Variants in IMPG2 observed in about 807,000 individuals in gnomAD.
IMPG2 encodes the protein interphotoreceptor matrix proteoglycan 2, also known as IPM 200.
Under a neutral mutation model 129.2 loss-of-function variants are expected in IMPG2, and 91 were observed. That is an observed-to-expected ratio of 0.70 (90% CI 0.59 to 0.84). IMPG2 has a LOEUF of 0.84. Ranked by LOEUF, IMPG2 falls within the 40% of genes least tolerant of loss-of-function variation. The pLI, the probability that IMPG2 is intolerant of heterozygous loss-of-function variation, is 0.00. For synonymous variants in IMPG2, 510 were observed against 517.7 expected, an observed-to-expected ratio of 0.99 and a Z score of 0.20; for missense variants, 1,430 against 1,461.7, an observed-to-expected ratio of 0.98 and a Z score of 0.35.
At chr3:101,245,263 A>G (rs1027654000) in intron 12 of IMPG2, among the ~76,000 whole-genome samples, 2 of 152,132 alleles carry the variant, frequency 1.3e-5, no homozygotes, top group African/African-American at 4.8e-5. Flanking sequence ...CTCATTTCAC[A>G]TGTAAACTCC....
At chr3:101,315,234 G>C (rs982212562) in intron 2 of IMPG2, among the ~76,000 whole-genome samples, 3 of 152,152 alleles carry the variant, frequency 2.0e-5, no homozygotes, top group African/African-American at 7.2e-5. Context: ...AACAGCTGAG[G>C]CAGGTATTCT....
chr3:101,226,969 T>C lies in IMPG2; in HGVS notation c.3726A>G (p.Ter1242=). The C allele has an allele frequency of 6.2e-7, 1 of 1,613,792 alleles. No homozygotes were observed. Among genetic ancestry groups the C allele is most frequent in the Non-Finnish European group, 8.5e-7 (1 of 1,179,820 alleles). The change falls in exon 19 of 19, where the codon TAA becomes TAG. Residue 1242 remains the stop codon, a stop_retained_variant. Transcript: ENST00000193391. ...FVREQQVEEV[*] ...ATCAGTTTCAGAACAGGAGTTTTGGTTAAACCTCTTCCCTGCCATGAAAAC... is the reference window on the plus strand; with the variant it reads ...ATCAGTTTCAGAACAGGAGTTTTGGCTAAACCTCTTCCCTGCCATGAAAAC...
chr3:101,309,794 G>A (rs1707241309), intron 2 of IMPG2, among the ~76,000 whole-genome samples: 1 of 152,114 alleles, frequency 6.6e-6, no homozygotes, highest in Admixed American at 6.5e-5. Flanking sequence ...ACTTAAAAAT[G>A]AAAACAACCC....
At chr3:101,311,067 G>A (rs139086761) in intron 2 of IMPG2, among the ~76,000 whole-genome samples, 4 of 151,790 alleles carry the variant, frequency 2.6e-5, no homozygotes, top group Non-Finnish European at 5.9e-5. Flanking sequence ...CCACCCCCAA[G>A]AGAAATGGGC....
chr3:101,267,602 G>T, intron 8 of IMPG2, 71 bp from the exon 9 acceptor site: 1 of 1,254,598 alleles, frequency 8.0e-7, no homozygotes, highest in Non-Finnish European at 1.2e-6. Context: ...TCATCAAAGT[G>T]CAAGTTATTC....
At chr3:101,239,147 C>T (rs186677275) in intron 14 of IMPG2, among the ~76,000 whole-genome samples, 28 of 152,298 alleles carry the variant, frequency 1.8e-4, no homozygotes, top group African/African-American at 6.7e-4. Flanking sequence ...AGTGAACAGG[C>T]AACCTACAGA....
At chr3:101,278,461 A>C (rs1706860650) in intron 4 of IMPG2, among the ~76,000 whole-genome samples, 1 of 152,194 alleles carries the variant, frequency 6.6e-6, no homozygotes, top group African/African-American at 2.4e-5. Context: ...TTGAGGCATC[A>C]GTTTTACTAC....
intron 14 of IMPG2, among the ~76,000 whole-genome samples, chr3:101,237,180 G>A (rs1195105719): frequency 6.6e-6 from 1 of 152,190 alleles, no homozygotes; most frequent in Non-Finnish European, 1.5e-5. Flanking sequence ...CCTCCTGTAT[G>A]GGCAGGGCAT....
rs115825114 is a variant in IMPG2, at chr3:101,270,785, C to T, written c.829-1212G>A. 6.0e-3 allele frequency among the ~76,000 whole-genome samples: 911 copies of T among 152,074 alleles called. 12 individuals are homozygous for T. The highest frequency in any genetic ancestry group is 0.021 in the African/African-American group (880 of 41,472). ...ACTGCACTCCAGCCTGGGCGACATA[C>T]TCCGTCTCAAAAAAAATAATAATAA... is the stretch of plus-strand genomic sequence containing the variant. On this transcript the variant is annotated intron_variant, in intron 7 of 18. Coordinates refer to ENST00000193391, the MANE Select transcript of IMPG2 (RefSeq NM_016247.4).
intron 11 of IMPG2, among the ~76,000 whole-genome samples, chr3:101,246,702 T>A (rs114978887): frequency 0.011 from 1,646 of 152,324 alleles, 33 homozygotes; most frequent in African/African-American, 0.037. Context: ...TTTACTAATG[T>A]ACTACTAATA....
intron 11 of IMPG2, among the ~76,000 whole-genome samples, chr3:101,248,689 CCA>C (rs1706511462): frequency 6.6e-6 from 1 of 152,138 alleles, no homozygotes; most frequent in African/African-American, 2.4e-5. Context: ...AGAGTGTTAC[CCA>C]CAGTTTCATC....
intron 4 of IMPG2, among the ~76,000 whole-genome samples, chr3:101,282,298 T>C (rs987097739): frequency 6.6e-6 from 1 of 152,190 alleles, no homozygotes; most frequent in African/African-American, 2.4e-5. Flanking sequence ...GCCACTCCTA[T>C]GGTATCACTC....
chr3:101,303,337 C>A (rs1212915619), intron 3 of IMPG2, among the ~76,000 whole-genome samples: 2 of 152,118 alleles, frequency 1.3e-5, no homozygotes, highest in African/African-American at 2.4e-5. Context: ...CATATACAAG[C>A]AATCATCATA....
intron 2 of IMPG2, among the ~76,000 whole-genome samples, chr3:101,316,599 C>T (rs1232897938): frequency 1.3e-5 from 2 of 151,922 alleles, no homozygotes; most frequent in Non-Finnish European, 2.9e-5. Context: ...TTAAAAAAGA[C>T]CAACTATACC....
At chr3:101,310,668 T>C (rs1283565007) in intron 2 of IMPG2, among the ~76,000 whole-genome samples, 1 of 151,568 alleles carries the variant, frequency 6.6e-6, no homozygotes, top group Admixed American at 6.6e-5. Flanking sequence ...AGAATATGAG[T>C]GTTTACGACA....
chr3:101,277,644 G>T (rs1038991021), intron 4 of IMPG2, among the ~76,000 whole-genome samples: 10 of 152,152 alleles, frequency 6.6e-5, no homozygotes, highest in Admixed American at 6.5e-4. Flanking sequence ...TTGCTAACAG[G>T]CATCAGGTCT....
intron 14 of IMPG2, 112 bp from the exon 15 acceptor site, chr3:101,233,103 G>A (rs1706308334): frequency 1.1e-6 from 1 of 924,234 alleles, no homozygotes; most frequent in Admixed American, 1.9e-5. Flanking sequence ...CTCCTTTCCA[G>A]AACCATTAAA....
chr3:101,249,948 A>G (rs1233641432), intron 11 of IMPG2, among the ~76,000 whole-genome samples: 1 of 152,152 alleles, frequency 6.6e-6, no homozygotes, highest in Non-Finnish European at 1.5e-5. Context: ...GTGCACTCCT[A>G]TAGTGCATTC....
At chr3:101,291,871 T>C (rs1409349116) in intron 3 of IMPG2, among the ~76,000 whole-genome samples, 1 of 152,224 alleles carries the variant, frequency 6.6e-6, no homozygotes. Flanking sequence ...ATCTAATGTA[T>C]TTATAGTAAT....
Sources: allele counts gnomAD v4.1 joint callset (sites outside exome capture counted in the v4.1 genomes callset), GRCh38; gene constraint gnomAD v4.1.1; transcripts MANE v1.5; gene names NCBI Gene and HGNC (gene_info 2026-07-23, HGNC 2026-07-21).